Variants in PTPRM observed in about 807,000 individuals in gnomAD.
PTPRM encodes the protein protein tyrosine phosphatase receptor type M.
Under a neutral mutation model 186.7 loss-of-function variants are expected in PTPRM, and 47 were observed. That is an observed-to-expected ratio of 0.25 (90% CI 0.20 to 0.32). The LOEUF is 0.32. Ranked by LOEUF, PTPRM falls within the 10% of genes least tolerant of loss-of-function variation. The probability of loss-of-function intolerance (pLI) is 1.00; values close to 1 mark genes in which losing one functional copy is unlikely to be tolerated. For synonymous variants in PTPRM, 668 were observed against 674.9 expected, an observed-to-expected ratio of 0.99 and a Z score of 0.16; for missense variants, 1,494 against 1,865.0, an observed-to-expected ratio of 0.80 and a Z score of 3.66.
At chr18:7,666,252 C>A (rs1313847972) in intron 1 of PTPRM, among the ~76,000 whole-genome samples, 1 of 152,058 alleles carries the variant, frequency 6.6e-6, no homozygotes, top group Non-Finnish European at 1.5e-5. Flanking sequence ...ATTTTCTCTT[C>A]TCTTTCTGTT....
At chr18:7,627,909 A>G (rs1281477148) in intron 1 of PTPRM, among the ~76,000 whole-genome samples, 2 of 152,206 alleles carry the variant, frequency 1.3e-5, no homozygotes, top group African/African-American at 4.8e-5. Flanking sequence ...ATTCCAAATA[A>G]GAGGCCCTGC....
At chr18:8,130,541 T>C (rs561371898) in intron 13 of PTPRM, among the ~76,000 whole-genome samples, 1 of 152,194 alleles carries the variant, frequency 6.6e-6, no homozygotes, top group African/African-American at 2.4e-5. Context: ...TTAATAAAAA[T>C]GTCAAGCTTG....
At chr18:7,725,765 G>A (rs944465396) in intron 1 of PTPRM, among the ~76,000 whole-genome samples, 2 of 152,038 alleles carry the variant, frequency 1.3e-5, no homozygotes. Context: ...TCCCCTTCGC[G>A]CTGAGAGCCA....
Position 7,955,218 on chromosome 18 carries a change from C to T in PTPRM, c.936C>T (p.Pro312=). 6.2e-7 allele frequency: 1 copy of T among 1,614,154 alleles called. No individual in the cohort carries two copies. The highest frequency in any genetic ancestry group is 8.5e-7 in the Non-Finnish European group (1 of 1,180,036). Residue 312 remains proline, a synonymous_variant, in exon 7 of 33, where the codon CCC becomes CCT. Transcript: ENST00000580170. ...CCAACTCCATCAATGGGGATGGGCC[C>T]ATTGTGGCCCGAGAGGTGGAGTACT... ...LNANSINGDG[P]IVAREVEYCT...
chr18:7,699,855 C>G (rs1037551278), intron 1 of PTPRM, among the ~76,000 whole-genome samples: 6 of 151,944 alleles, frequency 3.9e-5, no homozygotes, highest in African/African-American at 1.5e-4. Context: ...CACATTTACA[C>G]TTGCAATCCA....
chr18:8,113,946 C>T (rs1600645963), intron 12 of PTPRM, among the ~76,000 whole-genome samples, 187 bp downstream of exon 12: 7 of 146,684 alleles, frequency 4.8e-5, no homozygotes, highest in Admixed American at 6.8e-5. Context: ...ATATACTCAT[C>T]TTTTTTTTTT....
At chr18:7,813,316 T>G (rs1285709701) in intron 2 of PTPRM, among the ~76,000 whole-genome samples, 1 of 152,228 alleles carries the variant, frequency 6.6e-6, no homozygotes, top group African/African-American at 2.4e-5. Context: ...ATTTAATAGC[T>G]GAATCATTGC....
intron 2 of PTPRM, among the ~76,000 whole-genome samples, chr18:7,880,773 G>A (rs2048466540): frequency 6.6e-6 from 1 of 152,192 alleles, no homozygotes. Context: ...AGTACTGACT[G>A]AGGGAGTTGG....
intron 1 of PTPRM, among the ~76,000 whole-genome samples, chr18:7,748,564 A>G (rs1167964370): frequency 1.3e-5 from 2 of 152,190 alleles, no homozygotes; most frequent in Non-Finnish European, 2.9e-5. Flanking sequence ...CTGCCAAATC[A>G]GCTCCGGGCT....
chr18:8,302,188 G>A (rs778343142), intron 20 of PTPRM, among the ~76,000 whole-genome samples: 50 of 152,222 alleles, frequency 3.3e-4, no homozygotes, highest in African/African-American at 1.1e-3. Context: ...AACTCACAAC[G>A]TGGGGACTGA....
intron 1 of PTPRM, among the ~76,000 whole-genome samples, chr18:7,763,016 A>G (rs2144777340): frequency 6.6e-6 from 1 of 152,324 alleles, no homozygotes; most frequent in South Asian, 2.1e-4. Flanking sequence ...TATAGGGCCC[A>G]CATTCTCAGG....
At chr18:7,571,657 G>T (rs1281430191) in intron 1 of PTPRM, among the ~76,000 whole-genome samples, 1 of 152,178 alleles carries the variant, frequency 6.6e-6, no homozygotes, top group Non-Finnish European at 1.5e-5. Context: ...GTGAATTTGG[G>T]ACTCGTGGAG....
intron 1 of PTPRM, among the ~76,000 whole-genome samples, chr18:7,763,816 G>T (rs185166531): frequency 6.6e-6 from 1 of 152,254 alleles, no homozygotes. Flanking sequence ...GCATGGTTTG[G>T]CTGTACTGCA....
intron 7 of PTPRM, among the ~76,000 whole-genome samples, chr18:8,011,520 G>T (rs2084526338): frequency 6.6e-6 from 1 of 152,114 alleles, no homozygotes; most frequent in Non-Finnish European, 1.5e-5. Context: ...TTTTACTTCT[G>T]ATACTTATTC....
chr18:8,149,723 A>T (rs978389007), intron 14 of PTPRM, among the ~76,000 whole-genome samples: 27 of 152,134 alleles, frequency 1.8e-4, no homozygotes, highest in African/African-American at 6.5e-4. Flanking sequence ...CCGTTAGTTC[A>T]TATAATTTCT....
chr18:7,972,459 AATTAAAAAAAAAAAAAC>A (rs1441769487), intron 7 of PTPRM, among the ~76,000 whole-genome samples: 1 of 12,104 alleles, frequency 8.3e-5, no homozygotes, highest in African/African-American at 1.7e-4. Context: ...CTTAAAGTAT[AATTAAAAAAAAAAAAAC>A]ATTAAAAAAA....
At chr18:7,581,865 G>A (rs1054428887) in intron 1 of PTPRM, among the ~76,000 whole-genome samples, 5 of 151,778 alleles carry the variant, frequency 3.3e-5, no homozygotes, top group African/African-American at 1.2e-4. Context: ...TCGTTATGTT[G>A]CCCAGACTAG....
intron 2 of PTPRM, among the ~76,000 whole-genome samples, chr18:7,804,745 T>A (rs998927729): frequency 2.0e-5 from 3 of 152,216 alleles, no homozygotes; most frequent in African/African-American, 7.2e-5. Context: ...AAGAAAATCA[T>A]GCTTTTATTT....
At chr18:7,906,664 C>A in intron 4 of PTPRM, 81 bp downstream of exon 4, 1 of 1,168,818 alleles carries the variant, frequency 8.6e-7, no homozygotes, top group Non-Finnish European at 1.3e-6. Flanking sequence ...GGGATGAAAA[C>A]CTGTGAAGAG....
Sources: gnomAD v4.1 joint callset for allele counts (sites outside exome capture counted in the v4.1 genomes callset) on GRCh38, gnomAD v4.1.1 for gene constraint, MANE v1.5 for transcripts, NCBI Gene and HGNC (gene_info 2026-07-23, HGNC 2026-07-21) for gene names.